Variants in TMC1 observed in about 807,000 individuals in gnomAD.
TMC1 encodes the protein transmembrane channel like 1, also known as transmembrane channel-like protein 1.
Under a neutral mutation model 105.8 loss-of-function variants are expected in TMC1, and 84 were observed. The ratio of observed to expected loss-of-function variants is 0.79; its 90% CI spans 0.67 to 0.95. TMC1 has a LOEUF of 0.95. TMC1 is among the 40% of genes least tolerant of loss of function. TMC1 has a pLI of 0.00. For synonymous variants in TMC1, 315 were observed against 311.5 expected (o/e 1.01, Z -0.12); for missense variants, 817 against 914.1 (o/e 0.89, Z 1.37).
chr9:72,573,386 G>A (rs140909649), intron 1 of TMC1, among the ~76,000 whole-genome samples: 72 of 152,250 alleles, frequency 4.7e-4, no homozygotes, highest in African/African-American at 1.4e-3. Flanking sequence ...GATAAGAGGC[G>A]GTAGGATAAA....
At chr9:72,712,102 G>A (rs1826846609) in intron 8 of TMC1, among the ~76,000 whole-genome samples, 2 of 152,094 alleles carry the variant, frequency 1.3e-5, no homozygotes, top group Non-Finnish European at 2.9e-5. Context: ...TATTTCTGAG[G>A]CCTCTGTTCT....
rs60808924 is a variant in TMC1, at chr9:72,609,179, CCCTTCCTTCCTTCCTTCCTTCCTT to C, written c.-305-7160_-305-7137del. On this transcript the variant is annotated intron_variant, in intron 2 of 23. Coordinates refer to ENST00000297784, the MANE Select transcript of TMC1 (RefSeq NM_138691.3). ...TTCTTCCTTCCCTCGCTTCCTCCTT[CCCTTCCTTCCTTCCTTCCTTCCTT>C]CCTTCCTTCCTTCCTTCCTTCCTTC... 8.8e-5 allele frequency among the ~76,000 whole-genome samples: 12 copies of C among 136,166 alleles called. No individual in the cohort carries two copies. In the South Asian group the frequency reaches 1.1e-3, roughly 12 times the overall value. The allele number at this position is 136,166 out of a possible 152,430, so 89.3% of individuals were successfully genotyped here.
intron 8 of TMC1, among the ~76,000 whole-genome samples, chr9:72,702,280 G>A (rs1424459557): frequency 6.6e-6 from 1 of 152,094 alleles, no homozygotes; most frequent in African/African-American, 2.4e-5. Context: ...CTGCATGGAG[G>A]TGTAGAAATA....
At chr9:72,557,978 A>G (rs973310389) in intron 1 of TMC1, among the ~76,000 whole-genome samples, 1 of 152,210 alleles carries the variant, frequency 6.6e-6, no homozygotes, top group African/African-American at 2.4e-5. Context: ...CTGGGAGTCA[A>G]TTATTTTAAT....
intron 9 of TMC1, 146 bp from the exon 10 acceptor site, chr9:72,742,298 C>G: frequency 1.4e-6 from 1 of 710,660 alleles, no homozygotes; most frequent in East Asian, 2.7e-5. Context: ...GTGAAACCTA[C>G]TGTTTCCCCC....
At chr9:72,541,397 C>T (rs1214047530) in intron 1 of TMC1, among the ~76,000 whole-genome samples, 1 of 152,128 alleles carries the variant, frequency 6.6e-6, no homozygotes, top group Non-Finnish European at 1.5e-5. Context: ...ACTTAAAGAG[C>T]CTAGAAGCGG....
At chr9:72,719,150 T>G (rs768301907) in intron 8 of TMC1, among the ~76,000 whole-genome samples, 11 of 152,170 alleles carry the variant, frequency 7.2e-5, no homozygotes, top group Admixed American at 2.6e-4. Context: ...AGCGGGGCTT[T>G]TGTGCCACCT....
chr9:72,574,437 A>G (rs1458610087), intron 1 of TMC1, among the ~76,000 whole-genome samples: 2 of 152,254 alleles, frequency 1.3e-5, no homozygotes, highest in African/African-American at 4.8e-5. Flanking sequence ...CAATATCTGA[A>G]TATTGCAGCA....
chr9:72,656,890 C>T (rs1479584596), intron 5 of TMC1, among the ~76,000 whole-genome samples: 1 of 152,162 alleles, frequency 6.6e-6, no homozygotes, highest in East Asian at 1.9e-4. Context: ...CTACTTTGAT[C>T]TAGGAAATAG....
chr9:72,776,916 T>C (rs1828015720), intron 13 of TMC1, among the ~76,000 whole-genome samples: 1 of 152,192 alleles, frequency 6.6e-6, no homozygotes, highest in Admixed American at 6.5e-5. Flanking sequence ...TTTTTATTTT[T>C]AAAAATTCTG....
intron 8 of TMC1, among the ~76,000 whole-genome samples, chr9:72,734,206 A>AT (rs1460271883): frequency 6.6e-6 from 1 of 152,232 alleles, no homozygotes; most frequent in Non-Finnish European, 1.5e-5. Context: ...TCCATTAAAT[A>AT]TTTTTGGACT....
chr9:72,558,317 C>G (rs939846703), intron 1 of TMC1, among the ~76,000 whole-genome samples: 8 of 152,196 alleles, frequency 5.3e-5, no homozygotes, highest in Admixed American at 3.3e-4. Context: ...AGTTAAATCT[C>G]TTCCCTTTCC....
intron 6 of TMC1, among the ~76,000 whole-genome samples, chr9:72,691,665 C>T (rs1387575467): frequency 6.6e-6 from 1 of 152,188 alleles, no homozygotes; most frequent in African/African-American, 2.4e-5. Context: ...GAGGAAGCAG[C>T]ATGTCCTGAG....
In TMC1 at chr9:72,603,840, G is replaced by A. The variant is rs1003029788; in HGVS notation, c.-305-12528G>A. ...TGGGATTACAGGTGTGAGCCACTGC[G>A]ACCGGCTGTTTTTTTTTTTTTTTTT... On this transcript the variant is annotated intron_variant, in intron 2 of 23. Coordinates refer to ENST00000297784, the MANE Select transcript of TMC1 (RefSeq NM_138691.3). 6.1e-5 allele frequency among the ~76,000 whole-genome samples: 9 copies of A among 147,102 alleles called. No homozygotes were observed. The Admixed American group carries it at 6.2e-4, about 10-fold the overall frequency.
intron 6 of TMC1, among the ~76,000 whole-genome samples, chr9:72,691,277 T>C (rs947475630): frequency 2.6e-5 from 4 of 152,206 alleles, no homozygotes; most frequent in Admixed American, 6.5e-5. Context: ...TTATTTTTAA[T>C]AGTCTGTTAA....
At chr9:72,621,809 T>G (rs972272055) in intron 3 of TMC1, among the ~76,000 whole-genome samples, 7 of 152,318 alleles carry the variant, frequency 4.6e-5, no homozygotes, top group Admixed American at 2.6e-4. Flanking sequence ...TAAGGAAATT[T>G]TATTATTATA....
chr9:72,627,441 A>G (rs1282345943), intron 3 of TMC1, among the ~76,000 whole-genome samples: 1 of 152,154 alleles, frequency 6.6e-6, no homozygotes, highest in Admixed American at 6.5e-5. Flanking sequence ...ATCCACAAGT[A>G]GATCCCACTG....
At chr9:72,553,796 G>A (rs981150162) in intron 1 of TMC1, among the ~76,000 whole-genome samples, 2 of 152,102 alleles carry the variant, frequency 1.3e-5, no homozygotes, top group African/African-American at 2.4e-5. Flanking sequence ...TAGAGATCAT[G>A]CCACCAGTTC....
chr9:72,528,169 G>A (rs1337836231), intron 1 of TMC1, among the ~76,000 whole-genome samples: 2 of 152,184 alleles, frequency 1.3e-5, no homozygotes, highest in East Asian at 3.9e-4. Context: ...AGGCCCCAGA[G>A]AGCTAGCTAG....
Sources: allele counts gnomAD v4.1 joint callset (sites outside exome capture counted in the v4.1 genomes callset), GRCh38; gene constraint gnomAD v4.1.1; transcripts MANE v1.5; gene names NCBI Gene and HGNC (gene_info 2026-07-23, HGNC 2026-07-21).